Variants in STAM2 observed in about 807,000 individuals in gnomAD.
The protein encoded by STAM2 is signal transducing adaptor molecule 2, also known as signal transducing adapter molecule 2.
In STAM2, 51 loss-of-function variants were observed where a neutral mutation model predicts 65.6. The ratio of observed to expected loss-of-function variants is 0.78; its 90% confidence interval spans 0.62 to 0.98. The LOEUF is 0.98. STAM2 is among the 50% of genes least tolerant of loss of function. The pLI is 0.00. For missense variants in STAM2, 584 were observed against 617.8 expected (o/e 0.95, Z 0.58); for synonymous variants, 198 against 208.4 (o/e 0.95, Z 0.43).
At position 152,146,348 on chromosome 2, in the gene STAM2, G is replaced by A. The variant is rs61147320; in HGVS notation, c.447+814C>T. 5.2e-3 allele frequency among the ~76,000 whole-genome samples: 783 copies of A among 149,274 alleles called. 5 individuals carry two copies. The highest frequency in any genetic ancestry group is 0.018 in the African/African-American group (739 of 40,414). On this transcript the variant is annotated intron_variant, in intron 5 of 13. Transcript: ENST00000263904. The stretch of plus-strand genomic sequence containing the variant: ...AAAAGAAAATATAGTACTTCTCATC[G>A]TCTCTTTCCCTAGCCCATATCTTAA...
chr2:152,171,460 G>T (rs1689897636), intron 1 of STAM2, among the ~76,000 whole-genome samples: 1 of 152,118 alleles, frequency 6.6e-6, no homozygotes, highest in African/African-American at 2.4e-5. Context: ...TACAAAGAGT[G>T]GCCTAGTTAA....
At position 152,123,762 on chromosome 2, in the gene STAM2, T is replaced by C; in HGVS notation, c.1349+4A>G. ...ATAAAATTAACACAGCTCCCAAAAC[T>C]TACCTTAAATATGAAGTTTGAGCAG... On this transcript the variant is annotated splice_donor_region_variant and intron_variant, in intron 13 of 13. Coordinates refer to ENST00000263904, the MANE Select transcript of STAM2 (RefSeq NM_005843.6). 1 of 1,613,650 alleles carries C rather than the reference T, an allele frequency of 6.2e-7. No homozygotes were observed. The highest frequency in any genetic ancestry group is 8.5e-7 in the Non-Finnish European group (1 of 1,179,878).
intron 1 of STAM2, among the ~76,000 whole-genome samples, chr2:152,169,692 AAAATG>A (rs1689863863): frequency 6.6e-6 from 1 of 152,250 alleles, no homozygotes; most frequent in African/African-American, 2.4e-5. Context: ...GTAGAAATAG[AAAATG>A]AAATGAAAAC....
intron 1 of STAM2, among the ~76,000 whole-genome samples, chr2:152,165,760 G>A (rs935329916): frequency 2.0e-5 from 3 of 152,070 alleles, no homozygotes; most frequent in East Asian, 1.9e-4. Flanking sequence ...AATAGCTGCC[G>A]TGCTTAAAAG....
At chr2:152,124,422 C>A (rs1480257159) in intron 12 of STAM2, 1 of 152,848 alleles carries the variant, frequency 6.5e-6, no homozygotes, top group Admixed American at 6.5e-5. Context: ...GCCAGGGCTT[C>A]CCTGGCAATG....
chr2:152,137,581 T>G (rs1689179184), intron 7 of STAM2, among the ~76,000 whole-genome samples: 1 of 152,184 alleles, frequency 6.6e-6, no homozygotes, highest in South Asian at 2.1e-4. Context: ...TTTCAGCATA[T>G]GTTTATGGTT....
chr2:152,120,790 G>A lies in STAM2; in HGVS notation c.1362C>T (p.Asp454=), dbSNP rs758260933. The A allele has an allele frequency of 9.3e-6, 15 of 1,613,958 alleles. 1 individual carries two copies. The highest frequency in any genetic ancestry group is 1.2e-5 in the Non-Finnish European group (14 of 1,179,838). ...TCATATAAGTAGGATTGGAAACAGT[G>A]TCTTGTCCAGTGCTACAAACAAAAT... ...AQTSYLSTGQ[D]TVSNPTYMNQ... The change falls in exon 14 of 14, where the codon GAC becomes GAT. Residue 454 remains aspartate (D), a synonymous_variant. Transcript: ENST00000263904.
At chr2:152,143,100 T>C (rs1255838446) in intron 7 of STAM2, among the ~76,000 whole-genome samples, 2 of 152,218 alleles carry the variant, frequency 1.3e-5, no homozygotes, top group Admixed American at 1.3e-4. Flanking sequence ...TGTGTCCTCA[T>C]TTGTTATTAA....
intron 1 of STAM2, among the ~76,000 whole-genome samples, chr2:152,173,996 G>GT (rs955457414): frequency 2.0e-5 from 3 of 152,100 alleles, no homozygotes; most frequent in Non-Finnish European, 2.9e-5. Flanking sequence ...TTGTTTGTTT[G>GT]TTTTTTTAAT....
At chr2:152,153,238 C>G (rs993553158) in intron 1 of STAM2, among the ~76,000 whole-genome samples, 3 of 152,052 alleles carry the variant, frequency 2.0e-5, no homozygotes, top group Non-Finnish European at 4.4e-5. Flanking sequence ...CATTTTATGT[C>G]TTTTCCTCTT....
At chr2:152,152,208 T>C (rs981865731) in intron 1 of STAM2, among the ~76,000 whole-genome samples, 1 of 152,226 alleles carries the variant, frequency 6.6e-6, no homozygotes, top group Non-Finnish European at 1.5e-5. Context: ...CCCAAAGTGC[T>C]GAGATTACTA....
intron 7 of STAM2, among the ~76,000 whole-genome samples, chr2:152,138,622 G>A (rs1381889751): frequency 6.6e-6 from 1 of 152,172 alleles, no homozygotes; most frequent in Non-Finnish European, 1.5e-5. Context: ...TAATGTCTAT[G>A]ATTATGAAAC....
At position 152,144,946 on chromosome 2, in the gene STAM2, A is replaced by G; in HGVS notation, c.459T>C (p.Ala153=). The G allele has an allele frequency of 6.2e-7, 1 of 1,613,590 alleles. No homozygotes were observed. The highest frequency in any genetic ancestry group is 8.5e-7 in the Non-Finnish European group (1 of 1,179,492). Residue 153 remains alanine, a synonymous_variant, in exon 6 of 14, where the codon GCT becomes GCC. Coordinates refer to ENST00000263904, the MANE Select transcript of STAM2 (RefSeq NM_005843.6). ...TCGATGACGTACCATTCTTGGCAGCAGCTGAGACAGTCTGTAAATGTATGA... is the reference window on the plus strand; with the variant it reads ...TCGATGACGTACCATTCTTGGCAGCGGCTGAGACAGTCTGTAAATGTATGA... ...FPPAGSQTVS[A]AAKNGTSSNK...
chr2:152,169,856 CTTTT>C (rs534239660), intron 1 of STAM2, among the ~76,000 whole-genome samples: 2 of 142,280 alleles, frequency 1.4e-5, no homozygotes, highest in South Asian at 4.5e-4. Context: ...AAGAGCTACA[CTTTT>C]TTTTTTTTTT....
chr2:152,120,620 G>C lies in STAM2; in HGVS notation c.1532C>G (p.Pro511Arg). The C allele has an allele frequency of 6.2e-7, 1 of 1,614,122 alleles. No individual in the cohort carries two copies. Among genetic ancestry groups the C allele is most frequent in the Non-Finnish European group, 8.5e-7 (1 of 1,179,996 alleles). Residue 511 changes from proline (P) to arginine (R), a missense_variant, in exon 14 of 14, where the codon CCA becomes CGA. Coordinates refer to ENST00000263904, the MANE Select transcript of STAM2 (RefSeq NM_005843.6). ...GTAATTTGTGTGCTGCTGTGCAACT[G>C]GATGAGCTGGAACTGTCACCGGAAA... is the stretch of plus-strand genomic sequence containing the variant. ...AGFPVTVPAH[P>R]VAQQHTNYHQ...
intron 7 of STAM2, among the ~76,000 whole-genome samples, chr2:152,135,884 G>A (rs1200472660): frequency 6.6e-6 from 1 of 152,132 alleles, no homozygotes; most frequent in African/African-American, 2.4e-5. Flanking sequence ...GAGGTCAGGA[G>A]TTTGAGATCA....
At chr2:152,128,182 C>T (rs1560210530) in intron 11 of STAM2, among the ~76,000 whole-genome samples, 1 of 152,124 alleles carries the variant, frequency 6.6e-6, no homozygotes, top group Admixed American at 6.5e-5. Context: ...CCGAGGCAGG[C>T]AGATCACGAG....
rs747407720 is a variant in STAM2, at chr2:152,144,016, A to G, written c.518-3T>C. 5 of 1,597,230 alleles carry G rather than the reference A, an allele frequency of 3.1e-6. No individual in the cohort carries two copies. Among genetic ancestry groups the G allele is most frequent in the African/African-American group, 2.7e-5 (2 of 73,724 alleles). Reference sequence around the variant, plus strand: ...TTCTTGCAGCGATAATTCAATAGCTAGTTTCAAAAATTAAAATGCAAAGAA... The same window carrying G: ...TTCTTGCAGCGATAATTCAATAGCTGGTTTCAAAAATTAAAATGCAAAGAA... On this transcript the variant is annotated splice_polypyrimidine_tract_variant and splice_region_variant and intron_variant, in intron 6 of 13. Coordinates refer to ENST00000263904, the MANE Select transcript of STAM2 (RefSeq NM_005843.6).
At chr2:152,127,273 A>G (rs1488638868) in intron 11 of STAM2, among the ~76,000 whole-genome samples, 1 of 152,184 alleles carries the variant, frequency 6.6e-6, no homozygotes, top group African/African-American at 2.4e-5. Flanking sequence ...TGCAGTCACA[A>G]TCCTCTACTG....
Sources: allele counts gnomAD v4.1 joint callset (sites outside exome capture counted in the v4.1 genomes callset), GRCh38; gene constraint gnomAD v4.1.1; transcripts MANE v1.5; gene names NCBI Gene and HGNC (gene_info 2026-07-23, HGNC 2026-07-21).